The following CHRNA9 variants were observed in gnomAD, a reference collection of about 807,000 sequenced individuals.
CHRNA9 encodes the protein neuronal acetylcholine receptor subunit alpha-9.
CHRNA9 carries 24 observed loss-of-function variants against 36.8 expected under a neutral mutation model. The ratio of observed to expected loss-of-function variants is 0.65; its 90% CI spans 0.47 to 0.92. CHRNA9 has a LOEUF of 0.92. Among genes scored for constraint, CHRNA9 ranks in the 40% least tolerant of loss-of-function variants. The pLI is 0.00. For missense variants in CHRNA9, 610 were observed against 601.2 expected (o/e 1.01, Z -0.15); for synonymous variants, 231 against 231.8 (o/e 1.00, Z 0.03).
At chr4:40,350,953 C>T (rs1267146683) in intron 4 of CHRNA9, among the ~76,000 whole-genome samples, 1 of 151,904 alleles carries the variant, frequency 6.6e-6, no homozygotes, top group African/African-American at 2.4e-5. Flanking sequence ...ACAGGAATTG[C>T]TTGTTCTGTT....
At chr4:40,340,311 G>A (rs937328719) in intron 3 of CHRNA9, among the ~76,000 whole-genome samples, 1 of 152,030 alleles carries the variant, frequency 6.6e-6, no homozygotes, top group African/African-American at 2.4e-5. Context: ...CTCTTGTCAT[G>A]GACAATTCTG....
intron 3 of CHRNA9, among the ~76,000 whole-genome samples, chr4:40,346,369 C>T (rs1385955392): frequency 6.6e-6 from 1 of 152,170 alleles, no homozygotes; most frequent in African/African-American, 2.4e-5. Context: ...GCATTGTTTC[C>T]ATATCTTTAT....
chr4:40,352,834 T>C (rs1712840106), intron 4 of CHRNA9, among the ~76,000 whole-genome samples: 1 of 152,232 alleles, frequency 6.6e-6, no homozygotes, highest in Non-Finnish European at 1.5e-5. Context: ...CTAATAGAAT[T>C]GGCTTTCATA....
chr4:40,335,641 T>C (rs1432354818), intron 1 of CHRNA9, 110 bp downstream of exon 1: 11 of 1,019,532 alleles, frequency 1.1e-5, no homozygotes, highest in Middle Eastern at 2.7e-4. Context: ...CGCATGGAAG[T>C]GTTCTGTGCT....
chr4:40,349,278 G>T lies in CHRNA9; in HGVS notation c.762G>T (p.Leu254=), dbSNP rs760911509. ...TCCCATGCGTCCTCATATCTTTTCTGGCTCCTCTGAGTTTTTATCTCCCAG... is the reference window on the plus strand; with the variant it reads ...TCCCATGCGTCCTCATATCTTTTCTTGCTCCTCTGAGTTTTTATCTCCCAG... ...LLIPCVLISF[L]APLSFYLPAA... Residue 254 remains leucine, a synonymous_variant, in exon 4 of 5, where the codon CTG becomes CTT. Coordinates refer to ENST00000310169, the MANE Select transcript of CHRNA9 (RefSeq NM_017581.4). 55 of 1,614,054 alleles carry T rather than the reference G, an allele frequency of 3.4e-5. 1 individual carries two copies. The Admixed American group carries it at 8.3e-4, about 24-fold the overall frequency.
rs868057484 is a variant in CHRNA9 at position 40,335,812 on chromosome 4, C to T, written c.65-15C>T. 1.9e-6 allele frequency: 3 copies of T among 1,608,380 alleles called. No homozygotes were observed. Among genetic ancestry groups the T allele is most frequent in the Middle Eastern group, 1.7e-4 (1 of 6,050 alleles). ...AACACTCTGAATGTTAATCCAGATCCCTCTTGTTGAGTAGCTGCAGAGACG... is the reference window on the plus strand; with the variant it reads ...AACACTCTGAATGTTAATCCAGATCTCTCTTGTTGAGTAGCTGCAGAGACG... On this transcript the variant is annotated splice_polypyrimidine_tract_variant and intron_variant, in intron 1 of 4. Coordinates refer to ENST00000310169, the MANE Select transcript of CHRNA9 (RefSeq NM_017581.4).
In CHRNA9 at chr4:40,335,732, G is replaced by T; in HGVS notation, c.65-95G>T. On this transcript the variant is annotated intron_variant, in intron 1 of 4. Transcript: ENST00000310169. ...CCAAAGCTTGTCCCTCGCCAGTGTTGGGCCATCCCCCATTTTAGACCTCAG... is the reference window on the plus strand; with the variant it reads ...CCAAAGCTTGTCCCTCGCCAGTGTTTGGCCATCCCCCATTTTAGACCTCAG... The T allele has an allele frequency of 1.0e-5, 13 of 1,286,084 alleles. No homozygotes were observed. The South Asian group carries it at 1.5e-4, about 14-fold the overall frequency. 79.7% of individuals were successfully genotyped at this position (1,286,084 alleles called of 1,614,324 possible).
chr4:40,352,357 G>A (rs1429618850), intron 4 of CHRNA9, among the ~76,000 whole-genome samples: 1 of 152,090 alleles, frequency 6.6e-6, no homozygotes, highest in African/African-American at 2.4e-5. Flanking sequence ...GAGTAGCTGG[G>A]ATTACAGGCA....
At chr4:40,349,495 A>C in intron 4 of CHRNA9, 81 bp downstream of exon 4, 1 of 1,383,992 alleles carries the variant, frequency 7.2e-7, no homozygotes, top group Admixed American at 2.3e-5. Context: ...TGTGCCTTTA[A>C]ACTTGAAAAA....
rs1712743057 is a variant in CHRNA9, at chr4:40,349,742, C to T, written c.898+328C>T. ...TATAGAAACACAAAACCTCAGGGCCCACCGGAAGCCTACTGAATCAGACAT... is the reference window on the plus strand; with the variant it reads ...TATAGAAACACAAAACCTCAGGGCCTACCGGAAGCCTACTGAATCAGACAT... On this transcript the variant is annotated intron_variant, in intron 4 of 4. Transcript: ENST00000310169. 3 of 238,100 alleles carry T rather than the reference C, an allele frequency of 1.3e-5. No homozygotes were observed. In the South Asian group the frequency reaches 3.1e-4, roughly 25 times the overall value. 14.7% of individuals were successfully genotyped at this position (238,100 alleles called of 1,614,324 possible).
At chr4:40,340,889 TA>T (rs1712479563) in intron 3 of CHRNA9, among the ~76,000 whole-genome samples, 1 of 124,964 alleles carries the variant, frequency 8.0e-6, no homozygotes, top group Non-Finnish European at 1.6e-5. Flanking sequence ...AGAGAGAAAG[TA>T]AGGTAGAAAA....
At chr4:40,345,022 T>G (rs913013356) in intron 3 of CHRNA9, among the ~76,000 whole-genome samples, 2 of 152,110 alleles carry the variant, frequency 1.3e-5, no homozygotes, top group African/African-American at 2.4e-5. Context: ...TAAGAGAAAC[T>G]CACAGGGTTT....
At chr4:40,346,364 G>C (rs924490167) in intron 3 of CHRNA9, among the ~76,000 whole-genome samples, 2 of 152,162 alleles carry the variant, frequency 1.3e-5, no homozygotes, top group African/African-American at 2.4e-5. Flanking sequence ...TCTCTGCATT[G>C]TTTCCATATC....
Position 40,348,967 on chromosome 4 carries a change from A to G in CHRNA9, c.451A>G (p.Thr151Ala). The G allele has an allele frequency of 6.2e-7, 1 of 1,614,180 alleles. No homozygotes were observed. Among genetic ancestry groups the G allele is most frequent in the Non-Finnish European group, 8.5e-7 (1 of 1,180,024 alleles). The change falls in exon 4 of 5, where the codon ACC becomes GCC. Residue 151 changes from threonine (T) to alanine (A), a missense_variant. Physicochemically the swap from Thr to Ala is moderately conservative, Grantham distance 58. Coordinates refer to ENST00000310169, the MANE Select transcript of CHRNA9 (RefSeq NM_017581.4). ...GATCACCTGGGATGCACCGGCCATC[A>G]CCAAAAGCTCCTGTGTGGTGGATGT... ...GLITWDAPAI[T>A]KSSCVVDVTY...
Position 40,349,434 on chromosome 4 carries a change from A to G in CHRNA9, c.898+20A>G. On this transcript the variant is annotated intron_variant, in intron 4 of 4. Coordinates refer to ENST00000310169, the MANE Select transcript of CHRNA9 (RefSeq NM_017581.4). ...TGATAGGTGAGTCCAAGTGTCTTCC[A>G]CTTCAAGCCCAGCTTTGTAGTGCCT... The G allele has an allele frequency of 6.3e-7, 1 of 1,599,786 alleles. No homozygotes were observed. Among genetic ancestry groups the G allele is most frequent in the Non-Finnish European group, 8.5e-7 (1 of 1,172,162 alleles).
Position 40,335,370 on chromosome 4 carries a change from G to C in CHRNA9, c.-98G>C. 2.2e-6 allele frequency: 2 copies of C among 901,156 alleles called. No homozygotes were observed. Among genetic ancestry groups the C allele is most frequent in the Non-Finnish European group, 3.7e-6 (2 of 536,542 alleles). 55.8% of individuals were successfully genotyped at this position (901,156 alleles called of 1,614,324 possible). On this transcript the variant is annotated 5_prime_UTR_variant, in exon 1 of 5. Transcript: ENST00000310169. ...AGCTCTCCCGCCATAAGGCTGCAGC[G>C]GTGTGGGCTCCTTGTGCCCAGATCC...
At chr4:40,349,738 G>T (rs1044697167) in intron 4 of CHRNA9, 11 of 247,254 alleles carry the variant, frequency 4.4e-5, no homozygotes, top group East Asian at 1.6e-4. Context: ...AAAACCTCAG[G>T]GCCCACCGGA....
At chr4:40,348,821 G>T in intron 3 of CHRNA9, 61 bp from the exon 4 acceptor site, 1 of 1,530,854 alleles carries the variant, frequency 6.5e-7, no homozygotes, top group East Asian at 2.3e-5. Context: ...AGCTGTCTGG[G>T]GTAAGGAAGG....
intron 3 of CHRNA9, among the ~76,000 whole-genome samples, chr4:40,341,468 A>T (rs11945666): frequency 4.6e-5 from 7 of 151,976 alleles, no homozygotes; most frequent in African/African-American, 1.7e-4. Context: ...CCAAGTCTTC[A>T]TTGCATGAGG....
Sources: allele counts gnomAD v4.1 joint callset (sites outside exome capture counted in the v4.1 genomes callset), GRCh38; gene constraint gnomAD v4.1.1; transcripts MANE v1.5; gene names NCBI Gene and HGNC (gene_info 2026-07-23, HGNC 2026-07-21).